CASR: variants seen among roughly 807,000 people sequenced by gnomAD.
CASR encodes calcium sensing receptor.
CASR carries 23 observed loss-of-function variants against 69.1 expected under a neutral mutation model. The observed-to-expected ratio is 0.33, with a 90% confidence interval of 0.24 to 0.47. The LOEUF (loss-of-function observed/expected upper bound fraction) is 0.47, where lower values mean the gene tolerates loss of function less well. Ranked by LOEUF, CASR falls within the 20% of genes least tolerant of loss-of-function variation. The probability of loss-of-function intolerance (pLI) is 1.00; values close to 1 mark genes in which losing one functional copy is unlikely to be tolerated. For missense variants in CASR, 924 were observed against 1,356.1 expected, an observed-to-expected ratio of 0.68 and a Z score of 5.00; for synonymous variants, 541 against 544.7, an observed-to-expected ratio of 0.99 and a Z score of 0.10.
intron 1 of CASR, among the ~76,000 whole-genome samples, chr3:122,216,412 G>A (rs898792336): frequency 4.6e-5 from 7 of 152,176 alleles, no homozygotes; most frequent in African/African-American, 1.7e-4. Context: ...AACCTGTGTG[G>A]CAAATGACTT....
intron 1 of CASR, among the ~76,000 whole-genome samples, chr3:122,217,905 C>A (rs2074132971): frequency 6.6e-6 from 1 of 151,866 alleles, no homozygotes; most frequent in Non-Finnish European, 1.5e-5. Flanking sequence ...AAGATATTGG[C>A]ATAGGCATAG....
intron 5 of CASR, among the ~76,000 whole-genome samples, chr3:122,278,266 C>T (rs1020507954): frequency 1.3e-5 from 2 of 152,124 alleles, no homozygotes; most frequent in Admixed American, 1.3e-4. Context: ...AAATTTAGAG[C>T]TAGATAGATC....
intron 1 of CASR, among the ~76,000 whole-genome samples, chr3:122,189,561 G>C (rs1416824511): frequency 6.6e-6 from 1 of 152,186 alleles, no homozygotes; most frequent in Non-Finnish European, 1.5e-5. Flanking sequence ...TATCAGTGAT[G>C]ATGGGGGCAA....
chr3:122,232,020 A>G (rs756746205), intron 1 of CASR, among the ~76,000 whole-genome samples: 9 of 152,140 alleles, frequency 5.9e-5, no homozygotes, highest in Non-Finnish European at 1.0e-4. Flanking sequence ...CGACGTGGGG[A>G]TGGGATCATC....
In CASR at chr3:122,262,220, T is replaced by G; in HGVS notation, c.1185T>G (p.Cys395Trp). 6.2e-7 allele frequency: 1 copy of G among 1,614,060 alleles called. No homozygotes were observed. ...SNSSTAFRPL[C>W]TGDENISSVE... ...GCTCGACAGCCTTCCGACCCCTCTG[T>G]ACAGGGGATGAGAACATCAGCAGTG... The change falls in exon 4 of 7, where the codon TGT becomes TGG. Residue 395 changes from cysteine (C) to tryptophan (W), a missense_variant. Physicochemically the swap from Cys to Trp is radical, Grantham distance 215. Coordinates refer to ENST00000639785, the MANE Select transcript of CASR (RefSeq NM_000388.4).
chr3:122,252,322 GAA>G (rs1429962434), intron 1 of CASR, among the ~76,000 whole-genome samples: 1 of 133,718 alleles, frequency 7.5e-6, no homozygotes, highest in African/African-American at 2.8e-5. Flanking sequence ...AAGGAAGAGA[GAA>G]AGAAAGAGAG....
At chr3:122,252,445 G>GAAAGAAAGAAAGAAAGAAAGAAAGAAA (rs1559954401) in intron 1 of CASR, among the ~76,000 whole-genome samples, 1 of 67,780 alleles carries the variant, frequency 1.5e-5, no homozygotes, top group African/African-American at 6.6e-5. Flanking sequence ...AAGAAAGAAA[G>GAAAGAAAGAAAGAAAGAAAGAAAGAAA]AAAAAAAAGA....
rs200359766 is a variant in CASR, at chr3:122,285,392, G to A, written c.*201G>A. On this transcript the variant is annotated 3_prime_UTR_variant, in exon 7 of 7. Transcript: ENST00000639785. ...AAATTAAAAAAAAGAAGAGCCTTGT[G>A]TTTCTGTGGTTGCATTTGTCAAAGC... 9 of 571,594 alleles carry A rather than the reference G, an allele frequency of 1.6e-5. No homozygotes were observed. Among genetic ancestry groups the A allele is most frequent in the Non-Finnish European group, 2.8e-5 (9 of 321,484 alleles). The allele number at this position is 571,594 out of a possible 1,614,324, so 35.4% of individuals were successfully genotyped here.
intron 1 of CASR, among the ~76,000 whole-genome samples, chr3:122,216,281 G>A (rs2074116987): frequency 6.6e-6 from 1 of 152,142 alleles, no homozygotes; most frequent in Non-Finnish European, 1.5e-5. Context: ...GGGCTACCTT[G>A]TCCTTGATGT....
At chr3:122,188,166 C>T (rs967196899) in intron 1 of CASR, among the ~76,000 whole-genome samples, 2 of 152,152 alleles carry the variant, frequency 1.3e-5, no homozygotes, top group East Asian at 1.9e-4. Context: ...GAAGGGGGCT[C>T]ATTTGGAACA....
At position 122,287,884 on chromosome 3, in the gene CASR, A is replaced by T. The variant is rs2074983742; in HGVS notation, c.*2693A>T. ...GCTGTCTCCCCATGACAGTACACAG[A>T]GCTTATGGAGGCTAACAAAGCTTCC... On this transcript the variant is annotated 3_prime_UTR_variant, in exon 7 of 7. Transcript: ENST00000639785. 6.6e-6 allele frequency: 1 copy of T among 152,226 alleles called. No individual in the cohort carries two copies. Among genetic ancestry groups the T allele is most frequent in the Admixed American group, 6.5e-5 (1 of 15,284 alleles). 9.4% of individuals were successfully genotyped at this position (152,226 alleles called of 1,614,324 possible). A position where few individuals can be genotyped will look rare whatever the true frequency, so the allele number is the denominator to read the frequency against.
In CASR at chr3:122,284,491, T is replaced by C; in HGVS notation, c.2537T>C (p.Phe846Ser). Residue 846 changes from phenylalanine (F) to serine (S), a missense_variant, in exon 7 of 7, where the codon TTT (phenylalanine) becomes TCT (serine). Physicochemically the swap from Phe to Ser is radical, Grantham distance 155. This residue lies in a region of CASR where 42 missense variants were observed against 73.2 expected (regional missense o/e 0.57). Coordinates refer to ENST00000639785, the MANE Select transcript of CASR (RefSeq NM_000388.4). Reference sequence around the variant, plus strand: ...GTGATTGCCATCCTGGCAGCCAGCTTTGGCTTGCTGGCGTGCATCTTCTTC... The same window carrying C: ...GTGATTGCCATCCTGGCAGCCAGCTCTGGCTTGCTGGCGTGCATCTTCTTC... ...VEVIAILAASFGLLACIFFNK... is the reference protein window; with the variant it reads ...VEVIAILAASSGLLACIFFNK... 2.5e-6 allele frequency: 4 copies of C among 1,613,516 alleles called. No homozygotes were observed. The highest frequency in any genetic ancestry group is 2.5e-6 in the Non-Finnish European group (3 of 1,180,004).
chr3:122,202,477 C>T (rs990077832), intron 1 of CASR, among the ~76,000 whole-genome samples: 59 of 135,738 alleles, frequency 4.3e-4, no homozygotes, highest in Non-Finnish European at 6.2e-4. Context: ...AGAGGGAGAC[C>T]GTGGGGAGAG....
Position 122,284,606 on chromosome 3 carries a change from T to G in CASR, c.2652T>G (p.Ala884=), listed in dbSNP as rs1260650570. The change falls in exon 7 of 7, where the codon GCT becomes GCG. Residue 884 remains alanine (A), a synonymous_variant. Coordinates refer to ENST00000639785, the MANE Select transcript of CASR (RefSeq NM_000388.4). The part of the protein sequence containing the change: ...CSTAAHAFKV[A]ARATLRRSNV... Reference sequence around the variant, plus strand: ...CCGCAGCTCACGCTTTCAAGGTGGCTGCCCGGGCCACGCTGCGCCGCAGCA... The same window carrying G: ...CCGCAGCTCACGCTTTCAAGGTGGCGGCCCGGGCCACGCTGCGCCGCAGCA... 6.2e-7 allele frequency: 1 copy of G among 1,614,162 alleles called. No individual in the cohort carries two copies. Among genetic ancestry groups the G allele is most frequent in the Non-Finnish European group, 8.5e-7 (1 of 1,180,020 alleles).
Position 122,288,287 on chromosome 3 carries a change from A to G in CASR, c.*3096A>G, listed in dbSNP as rs2074986455. 1 of 152,210 alleles carries G rather than the reference A, an allele frequency of 6.6e-6. No homozygotes were observed. Among genetic ancestry groups the G allele is most frequent in the Admixed American group, 6.5e-5 (1 of 15,284 alleles). 9.4% of individuals were successfully genotyped at this position (152,210 alleles called of 1,614,324 possible). A position where few individuals can be genotyped will look rare whatever the true frequency, so the allele number is the denominator to read the frequency against. The stretch of plus-strand genomic sequence containing the variant: ...TCTAGAAGCTGGCAAATGCCAGAAA[A>G]CCGATTCTCCCCTAAAACATCCAGA... On this transcript the variant is annotated 3_prime_UTR_variant, in exon 7 of 7. Coordinates refer to ENST00000639785, the MANE Select transcript of CASR (RefSeq NM_000388.4).
chr3:122,239,446 G>T (rs934890591), intron 1 of CASR, among the ~76,000 whole-genome samples: 1 of 152,200 alleles, frequency 6.6e-6, no homozygotes, highest in Admixed American at 6.5e-5. Context: ...TCAAATCCTG[G>T]CTCCCAACTG....
intron 1 of CASR, among the ~76,000 whole-genome samples, chr3:122,185,644 T>G (rs1468840864): frequency 2.0e-5 from 3 of 152,342 alleles, no homozygotes; most frequent in African/African-American, 7.2e-5. Context: ...GTAGTTCCTA[T>G]TCCTTAAAAC....
chr3:122,187,399 G>A (rs186034546), intron 1 of CASR, among the ~76,000 whole-genome samples: 10 of 152,224 alleles, frequency 6.6e-5, no homozygotes, highest in South Asian at 2.1e-4. Flanking sequence ...TTATTCATTC[G>A]ACAGTGTTTA....
At chr3:122,227,231 C>T (rs760227613) in intron 1 of CASR, among the ~76,000 whole-genome samples, 12 of 150,552 alleles carry the variant, frequency 8.0e-5, no homozygotes, top group South Asian at 2.2e-4. Flanking sequence ...AGCCCTTGGG[C>T]GGTTGGCGGG....
Sources: allele counts gnomAD v4.1 joint callset (sites outside exome capture counted in the v4.1 genomes callset), GRCh38; gene constraint gnomAD v4.1.1; regional missense constraint gnomAD v4.1.1; transcripts MANE v1.5; gene names NCBI Gene and HGNC (gene_info 2026-07-23, HGNC 2026-07-21).